The following SPIRE1 variants were observed in gnomAD, a reference collection of about 807,000 sequenced individuals.
SPIRE1 encodes the protein spire type actin nucleation factor 1, also known as protein spire homolog 1.
A neutral mutation model predicts 94.1 loss-of-function variants in SPIRE1; 40 were observed. That is an observed-to-expected ratio of 0.43 (90% CI 0.33 to 0.55). The LOEUF (loss-of-function observed/expected upper bound fraction) is 0.55, where lower values mean the gene tolerates loss of function less well. Among genes scored for constraint, SPIRE1 ranks in the 20% least tolerant of loss-of-function variants. SPIRE1 has a pLI of 0.06. For synonymous variants in SPIRE1, 376 were observed against 371.7 expected (o/e 1.01, Z -0.13); for missense variants, 838 against 975.2 (o/e 0.86, Z 1.87).
At chr18:12,564,672 A>G (rs1477197476) in intron 2 of SPIRE1, among the ~76,000 whole-genome samples, 2 of 152,178 alleles carry the variant, frequency 1.3e-5, no homozygotes, top group Non-Finnish European at 2.9e-5. Context: ...GCAGAGCATT[A>G]TAAGTGGAAA....
chr18:12,549,439 G>GTTTTTTT lies in SPIRE1; in HGVS notation c.373-2542_373-2536dup, dbSNP rs869122444. On this transcript the variant is annotated intron_variant, in intron 2 of 16. Coordinates refer to ENST00000409402, the MANE Select transcript of SPIRE1 (RefSeq NM_001128626.2). ...CTTTTTGTTTGTTTTTGTTATTGTT[G>GTTTTTTT]TTTTTTTTTTTTTTTTTTTTTTTTT... 5.2e-3 allele frequency among the ~76,000 whole-genome samples: 214 copies of GTTTTTTT among 41,246 alleles called. 30 individuals carry two copies. Among genetic ancestry groups the GTTTTTTT allele is most frequent in the Non-Finnish European group, 6.3e-3 (164 of 25,936 alleles). The allele number at this position is 41,246 out of a possible 152,430, so 27.1% of individuals were successfully genotyped here.
chr18:12,620,166 CT>C (rs1221480246), intron 2 of SPIRE1, among the ~76,000 whole-genome samples: 1 of 151,962 alleles, frequency 6.6e-6, no homozygotes, highest in East Asian at 1.9e-4. Flanking sequence ...GGGAATTCCC[CT>C]TTTTTTGGAG....
At chr18:12,451,113 C>G in intron 16 of SPIRE1, 1 of 343,410 alleles carries the variant, frequency 2.9e-6, no homozygotes, top group Non-Finnish European at 5.4e-6. Flanking sequence ...CTTAACCACC[C>G]TTCTAGAATT....
intron 2 of SPIRE1, among the ~76,000 whole-genome samples, chr18:12,562,327 C>A (rs2035708629): frequency 6.6e-6 from 1 of 152,144 alleles, no homozygotes; most frequent in South Asian, 2.1e-4. Flanking sequence ...CTCTGTCACT[C>A]AGGCTGGAGT....
intron 10 of SPIRE1, among the ~76,000 whole-genome samples, 194 bp from the exon 11 acceptor site, chr18:12,465,152 A>T (rs1022517480): frequency 1.3e-5 from 2 of 152,114 alleles, no homozygotes; most frequent in Non-Finnish European, 2.9e-5. Context: ...CTCTGCCCTG[A>T]TGAGAGTGAT....
At chr18:12,473,677 A>C (rs2032450185) in intron 10 of SPIRE1, among the ~76,000 whole-genome samples, 1 of 152,192 alleles carries the variant, frequency 6.6e-6, no homozygotes, top group Non-Finnish European at 1.5e-5. Flanking sequence ...TGTAATTGAT[A>C]ATGTAAATAA....
chr18:12,628,772 T>G (rs569222964), intron 2 of SPIRE1, among the ~76,000 whole-genome samples: 26 of 152,324 alleles, frequency 1.7e-4, no homozygotes, highest in African/African-American at 6.3e-4. Context: ...TCATATCCCT[T>G]GTAAGTTGGA....
At chr18:12,623,557 G>A (rs141820067) in intron 2 of SPIRE1, among the ~76,000 whole-genome samples, 225 of 152,288 alleles carry the variant, frequency 1.5e-3, no homozygotes, top group Non-Finnish European at 2.5e-3. Context: ...CATTATGTGT[G>A]CTGAAAAATA....
At chr18:12,607,849 T>G (rs983221686) in intron 2 of SPIRE1, among the ~76,000 whole-genome samples, 18 of 152,152 alleles carry the variant, frequency 1.2e-4, no homozygotes, top group Non-Finnish European at 1.8e-4. Context: ...TCACATTGCA[T>G]GCCTGTATCA....
At chr18:12,455,689 C>T (rs2031476464) in intron 12 of SPIRE1, among the ~76,000 whole-genome samples, 1 of 152,122 alleles carries the variant, frequency 6.6e-6, no homozygotes, top group Non-Finnish European at 1.5e-5. Flanking sequence ...CTTGTGCATT[C>T]GGACCCTGCC....
At chr18:12,644,968 C>T (rs1255225332) in intron 1 of SPIRE1, among the ~76,000 whole-genome samples, 1 of 152,040 alleles carries the variant, frequency 6.6e-6, no homozygotes, top group Non-Finnish European at 1.5e-5. Context: ...GGCCGGGCAC[C>T]ATGGCTCACA....
intron 2 of SPIRE1, among the ~76,000 whole-genome samples, chr18:12,607,750 C>G (rs1295803426): frequency 6.6e-6 from 1 of 152,098 alleles, no homozygotes; most frequent in South Asian, 2.1e-4. Flanking sequence ...TTGTAACACA[C>G]AGAAATGTGT....
Position 12,448,332 on chromosome 18 carries a change from A to G in SPIRE1, c.*1306T>C, listed in dbSNP as rs1051447731. Reference sequence around the variant, plus strand: ...GTGGTGCTGACTACAGACATGTCCTATGGCTTTCAGGAAATTATTGTGCAT... The same window carrying G: ...GTGGTGCTGACTACAGACATGTCCTGTGGCTTTCAGGAAATTATTGTGCAT... On this transcript the variant is annotated 3_prime_UTR_variant, in exon 17 of 17. Coordinates refer to ENST00000409402, the MANE Select transcript of SPIRE1 (RefSeq NM_001128626.2). The surrounding 1 kb of genome is among the most constrained non-coding windows in gnomAD (Gnocchi z 4.4). The G allele has an allele frequency of 4.6e-5, 7 of 152,642 alleles. No homozygotes were observed. Among genetic ancestry groups the G allele is most frequent in the Admixed American group, 1.3e-4 (2 of 15,280 alleles). The allele number at this position is 152,642 out of a possible 1,614,324, so 9.5% of individuals were successfully genotyped here.
At chr18:12,635,149 C>A in intron 1 of SPIRE1, 53 bp from the exon 2 acceptor site, 2 of 966,964 alleles carry the variant, frequency 2.1e-6, no homozygotes, top group South Asian at 2.9e-5. Flanking sequence ...TTTTTTAAAT[C>A]ATTGATAAAA....
At chr18:12,507,705 TA>T (rs202106911) in intron 5 of SPIRE1, among the ~76,000 whole-genome samples, 2 of 147,656 alleles carry the variant, frequency 1.4e-5, no homozygotes, top group East Asian at 2.0e-4. Flanking sequence ...TCTCAAAAAA[TA>T]AAAAAAAAAC....
At chr18:12,452,671 A>G (rs2031304980) in intron 14 of SPIRE1, 159 bp from the exon 15 acceptor site, 3 of 741,956 alleles carry the variant, frequency 4.0e-6, no homozygotes, top group South Asian at 3.3e-5. Context: ...GAATTGCCAA[A>G]AAGATAATCT....
At chr18:12,519,471 T>C (rs927633878) in intron 4 of SPIRE1, among the ~76,000 whole-genome samples, 18 of 152,212 alleles carry the variant, frequency 1.2e-4, no homozygotes, top group Admixed American at 9.8e-4. Flanking sequence ...GGACTGACAT[T>C]ATCTGCTAAT....
At chr18:12,550,956 C>T (rs1156441688) in intron 2 of SPIRE1, among the ~76,000 whole-genome samples, 1 of 152,244 alleles carries the variant, frequency 6.6e-6, no homozygotes, top group Non-Finnish European at 1.5e-5. Context: ...AGCTCATGCA[C>T]TCTACTTTCT....
intron 2 of SPIRE1, among the ~76,000 whole-genome samples, chr18:12,563,004 C>A (rs1056304505): frequency 6.6e-6 from 1 of 152,072 alleles, no homozygotes; most frequent in South Asian, 2.1e-4. Flanking sequence ...TATGCAATCA[C>A]TGTAATTTAA....
Sources: allele counts gnomAD v4.1 joint callset (sites outside exome capture counted in the v4.1 genomes callset), GRCh38; gene constraint gnomAD v4.1.1; non-coding constraint Gnocchi (gnomAD v3.1); transcripts MANE v1.5; gene names NCBI Gene and HGNC (gene_info 2026-07-23, HGNC 2026-07-21).